The following PGM2 variants were observed in gnomAD, a reference collection of about 807,000 sequenced individuals.
PGM2 encodes the protein phosphopentomutase.
PGM2 carries 57 observed loss-of-function variants against 74.6 expected under a neutral mutation model. The ratio of observed to expected loss-of-function variants is 0.76; its 90% confidence interval spans 0.62 to 0.95. The LOEUF (loss-of-function observed/expected upper bound fraction) is 0.95. PGM2 is among the 40% of genes least tolerant of loss of function. The pLI, the probability that PGM2 is intolerant of heterozygous loss-of-function variation, is 0.00. For synonymous variants in PGM2, 273 were observed against 260.7 expected (o/e 1.05, Z -0.46); for missense variants, 706 against 741.9 (o/e 0.95, Z 0.56).
At chr4:37,840,962 GTGTA>G (rs1195127864) in intron 6 of PGM2, among the ~76,000 whole-genome samples, 26 of 140,934 alleles carry the variant, frequency 1.8e-4, no homozygotes, top group African/African-American at 6.1e-4. Context: ...GTGTGTGTGT[GTGTA>G]TATATATATA....
At chr4:37,849,500 C>T (rs1725976881) in intron 11 of PGM2, among the ~76,000 whole-genome samples, 1 of 145,450 alleles carries the variant, frequency 6.9e-6, no homozygotes, top group African/African-American at 2.6e-5. Flanking sequence ...CAACCTCTGC[C>T]TCCTGGGTTC....
chr4:37,827,083 G>T (rs1725312519), intron 1 of PGM2, among the ~76,000 whole-genome samples: 1 of 152,272 alleles, frequency 6.6e-6, no homozygotes, highest in Admixed American at 6.5e-5. Context: ...AGAGGAGCGA[G>T]CCAGGGTGGT....
chr4:37,837,988 C>G (rs1418670210), intron 4 of PGM2, among the ~76,000 whole-genome samples: 1 of 152,030 alleles, frequency 6.6e-6, no homozygotes, highest in East Asian at 1.9e-4. Context: ...TCAAGCAATT[C>G]TACTACCTCA....
chr4:37,856,689 C>A (rs73808091), intron 13 of PGM2, among the ~76,000 whole-genome samples: 2 of 152,072 alleles, frequency 1.3e-5, no homozygotes, highest in African/African-American at 4.8e-5. Flanking sequence ...TGCCGTTAAC[C>A]AGCATTTCCC....
At chr4:37,835,745 G>A (rs1031280425) in intron 3 of PGM2, among the ~76,000 whole-genome samples, 1 of 152,228 alleles carries the variant, frequency 6.6e-6, no homozygotes, top group African/African-American at 2.4e-5. Context: ...GTGGCCGTGA[G>A]GAAGGGTGCA....
chr4:37,847,446 T>C (rs1011852885), intron 10 of PGM2, 151 bp downstream of exon 10: 1 of 591,674 alleles, frequency 1.7e-6, no homozygotes, highest in African/African-American at 1.9e-5. Context: ...AAAATTGACA[T>C]CTCAGATGAT....
At chr4:37,857,188 T>G (rs999651278) in intron 13 of PGM2, among the ~76,000 whole-genome samples, 1 of 152,184 alleles carries the variant, frequency 6.6e-6, no homozygotes, top group African/African-American at 2.4e-5. Context: ...AATTAAAAAT[T>G]TAGTTTCTCA....
At chr4:37,855,280 A>G (rs1339724895) in intron 12 of PGM2, among the ~76,000 whole-genome samples, 2 of 151,978 alleles carry the variant, frequency 1.3e-5, no homozygotes, top group African/African-American at 4.8e-5. Flanking sequence ...TTCCACATGT[A>G]GGTGAGATCA....
chr4:37,832,298 G>A (rs1725461795), intron 2 of PGM2, among the ~76,000 whole-genome samples: 1 of 152,218 alleles, frequency 6.6e-6, no homozygotes, highest in Non-Finnish European at 1.5e-5. Flanking sequence ...CAAAATTAGA[G>A]GCAAGAGGAT....
intron 6 of PGM2, among the ~76,000 whole-genome samples, chr4:37,843,971 T>C (rs1307028182): frequency 6.6e-6 from 1 of 152,140 alleles, no homozygotes; most frequent in Admixed American, 6.5e-5. Context: ...ATAAAAGACA[T>C]TTGGGAACCT....
rs1711816728 is a variant in PGM2 at position 37,862,641 on chromosome 4, C to T, written c.*1029C>T. The T allele has an allele frequency of 2.0e-5, 3 of 152,128 alleles. No homozygotes were observed. The South Asian group carries it at 6.2e-4, about 32-fold the overall frequency. The allele number at this position is 152,128 out of a possible 1,614,324, so 9.4% of individuals were successfully genotyped here. On this transcript the variant is annotated 3_prime_UTR_variant, in exon 14 of 14. Transcript: ENST00000381967. ...GCTAGGATCAAACTTTCTTTATATA[C>T]TTTATATATTTTACATTATTTCTGA...
In PGM2 at chr4:37,861,873, T is replaced by G. The variant is rs1711789378; in HGVS notation, c.*261T>G. 6.0e-6 allele frequency: 2 copies of G among 333,880 alleles called. No homozygotes were observed. The highest frequency in any genetic ancestry group is 1.1e-5 in the Non-Finnish European group (2 of 175,996). The allele number at this position is 333,880 out of a possible 1,614,324, so 20.7% of individuals were successfully genotyped here. ...TGTAAGTGAAGATTTTTAAACTGAC[T>G]AACTTAAAAAAATAGATTGTAATTG... On this transcript the variant is annotated 3_prime_UTR_variant, in exon 14 of 14. Transcript: ENST00000381967.
intron 13 of PGM2, 63 bp from the exon 14 acceptor site, chr4:37,861,447 A>G: frequency 9.9e-7 from 1 of 1,005,178 alleles, no homozygotes; most frequent in Non-Finnish European, 1.6e-6. Flanking sequence ...CAATGGGGGG[A>G]GCATTTAAAC....
chr4:37,844,180 A>G (rs988830171), intron 6 of PGM2, among the ~76,000 whole-genome samples, 184 bp from the exon 7 acceptor site: 3 of 151,758 alleles, frequency 2.0e-5, no homozygotes, highest in Non-Finnish European at 4.4e-5. Context: ...ACTACAGAGT[A>G]GAATTTAAAA....
At position 37,852,180 on chromosome 4, in the gene PGM2, A is replaced by G. The variant is rs148501534; in HGVS notation, c.1602+1807A>G. ...TTTTTGGAGGGACGAGTCTCTCCCTAGGTTTCCCAGGCAGGTCTCAAGTGA... is the reference window on the plus strand; with the variant it reads ...TTTTTGGAGGGACGAGTCTCTCCCTGGGTTTCCCAGGCAGGTCTCAAGTGA... On this transcript the variant is annotated intron_variant, in intron 12 of 13. Transcript: ENST00000381967. Among the ~76,000 whole-genome samples the G allele has an allele frequency of 2.8e-4, 33 of 116,922 alleles. No individual in the cohort carries two copies. In the East Asian group the frequency reaches 7.9e-3, roughly 28 times the overall value. 76.7% of individuals were successfully genotyped at this position (116,922 alleles called of 152,430 possible).
intron 6 of PGM2, among the ~76,000 whole-genome samples, chr4:37,840,631 C>A (rs957048054): frequency 3.9e-5 from 6 of 152,266 alleles, no homozygotes; most frequent in African/African-American, 1.2e-4. Context: ...GTGATCCACC[C>A]ACCTTGGCCT....
chr4:37,847,363 CAA>C, intron 10 of PGM2, 68 bp downstream of exon 10: 1 of 1,137,778 alleles, frequency 8.8e-7, no homozygotes, highest in Non-Finnish European at 1.3e-6. Context: ...GATTGGGATT[CAA>C]AGATCCACAG....
At chr4:37,854,831 T>G (rs1015122250) in intron 12 of PGM2, among the ~76,000 whole-genome samples, 1 of 152,162 alleles carries the variant, frequency 6.6e-6, no homozygotes, top group Non-Finnish European at 1.5e-5. Flanking sequence ...CTTTAATAAC[T>G]TCAATAGAAC....
intron 1 of PGM2, among the ~76,000 whole-genome samples, chr4:37,827,144 A>G (rs1725314271): frequency 6.6e-6 from 1 of 152,196 alleles, no homozygotes; most frequent in Non-Finnish European, 1.5e-5. Context: ...CGCACGCCTT[A>G]CTGTCACTCA....
Sources: allele counts gnomAD v4.1 joint callset (sites outside exome capture counted in the v4.1 genomes callset), GRCh38; gene constraint gnomAD v4.1.1; transcripts MANE v1.5; gene names NCBI Gene and HGNC (gene_info 2026-07-23, HGNC 2026-07-21).